CCNH: variants seen among roughly 807,000 people sequenced by gnomAD.
CCNH encodes cyclin-H.
A neutral mutation model predicts 41.9 loss-of-function variants in CCNH; 31 were observed. That is an observed-to-expected ratio of 0.74 (90% CI 0.56 to 1.00). The LOEUF (loss-of-function observed/expected upper bound fraction) is 1.00, where lower values mean the gene tolerates loss of function less well. CCNH is among the 50% of genes least tolerant of loss of function. The pLI is 0.00. For synonymous variants in CCNH, 138 were observed against 136.1 expected, an observed-to-expected ratio of 1.01 and a Z score of -0.10; for missense variants, 362 against 388.4, an observed-to-expected ratio of 0.93 and a Z score of 0.57.
chr5:87,354,926 C>T (rs77420558), intron 9 of CCNH, among the ~76,000 whole-genome samples: 1,816 of 152,214 alleles, frequency 0.012, 28 homozygotes, highest in African/African-American at 0.041. Flanking sequence ...TAAGCCAAAG[C>T]CTATCCAAAG....
chr5:87,392,466 T>C (rs1469126762), downstream of CCNH: 13 of 409,416 alleles, frequency 3.2e-5, no homozygotes, highest in Non-Finnish European at 5.8e-5. Flanking sequence ...TTGGCTCTTT[T>C]ATCAAATTAC....
At chr5:87,393,925 A>AAAT (rs1195339226), downstream of CCNH, 2 of 152,276 alleles carry the variant, frequency 1.3e-5, no homozygotes, top group African/African-American at 4.8e-5. Flanking sequence ...ACCCATTTGG[A>AAAT]AATGTTTTCG....
chr5:87,377,158 T>C (rs1753271872), exon 1 of CCNH: 1 of 1,337,668 alleles, frequency 7.5e-7, no homozygotes, highest in African/African-American at 1.5e-5. Context: ...AAATAAGTTA[T>C]TCTGTTTTCC....
chr5:87,399,351 ATAACAGT>A, intron 7 of CCNH, 36 bp downstream of exon 7: 4 of 1,369,766 alleles, frequency 2.9e-6, no homozygotes, highest in Non-Finnish European at 4.2e-6. Context: ...GCTGGACTGG[ATAACAGT>A]TATGTCTATT....
At chr5:87,312,004 A>G in the CCNH span, among the ~76,000 whole-genome samples, 1 of 152,244 alleles carries the variant, frequency 6.6e-6, no homozygotes, top group Non-Finnish European at 1.5e-5. Flanking sequence ...CTGGTGATAT[A>G]TAAGGAATGT....
chr5:87,353,088 T>A, intron 9 of CCNH: 1 of 1,259,334 alleles, frequency 7.9e-7, no homozygotes, highest in Non-Finnish European at 1.2e-6. Context: ...GCAAGAAAGT[T>A]TACACATATT....
chr5:87,407,002 A>C (rs1010446232), intron 4 of CCNH, among the ~76,000 whole-genome samples: 1 of 151,752 alleles, frequency 6.6e-6, no homozygotes, highest in Non-Finnish European at 1.5e-5. Flanking sequence ...CACAGTCTAG[A>C]CTCTGCCTTC....
intron 9 of CCNH, among the ~76,000 whole-genome samples, chr5:87,357,459 A>G (rs1245993689): frequency 6.6e-6 from 1 of 152,094 alleles, no homozygotes; most frequent in African/African-American, 2.4e-5. Flanking sequence ...ACATTTCCCC[A>G]TACTGAATTT....
chr5:87,412,806 G>A lies in CCNH; in HGVS notation c.-12C>T. 1 of 1,613,722 alleles carries A rather than the reference G, an allele frequency of 6.2e-7. No individual in the cohort carries two copies. The highest frequency in any genetic ancestry group is 8.5e-7 in the Non-Finnish European group (1 of 1,179,736). On this transcript the variant is annotated 5_prime_UTR_variant, in exon 1 of 9. Transcript: ENST00000256897. ...CTGTTGTGGTACATTATGGAATCGT[G>A]ACCAGGTCCAGAGGGTCTGCAGACG...
At chr5:87,365,674 T>C (rs1211479898) in intron 9 of CCNH, among the ~76,000 whole-genome samples, 2 of 152,066 alleles carry the variant, frequency 1.3e-5, no homozygotes, top group East Asian at 3.8e-4. Context: ...TGACTAACAC[T>C]GGAAAGTCAT....
At chr5:87,355,673 T>C (rs540415913) in intron 9 of CCNH, among the ~76,000 whole-genome samples, 33 of 152,378 alleles carry the variant, frequency 2.2e-4, no homozygotes, top group African/African-American at 7.2e-4. Context: ...AATTTCATAA[T>C]GTTATGTTTG....
At chr5:87,402,892 A>C (rs748088742) in intron 5 of CCNH, among the ~76,000 whole-genome samples, 3 of 152,042 alleles carry the variant, frequency 2.0e-5, no homozygotes, top group Non-Finnish European at 4.4e-5. Context: ...GGCTGACTAG[A>C]CTCATTATCT....
chr5:87,370,950 T>G (rs1417353966), intron 9 of CCNH, among the ~76,000 whole-genome samples: 1 of 152,172 alleles, frequency 6.6e-6, no homozygotes, highest in Non-Finnish European at 1.5e-5. Context: ...ATTTCACATG[T>G]AATGCACATA....
At chr5:87,371,932 T>G (rs1760973861), downstream of CCNH, among the ~76,000 whole-genome samples, 1 of 151,774 alleles carries the variant, frequency 6.6e-6, no homozygotes, top group African/African-American at 2.4e-5. Flanking sequence ...TGTTTTATTA[T>G]TGTTATTGTT....
intron 9 of CCNH, chr5:87,385,425 GAATGCAA>G (rs748479568): frequency 6.8e-7 from 1 of 1,461,946 alleles, no homozygotes; most frequent in Admixed American, 1.7e-5. Context: ...TGTAATTTAT[GAATGCAA>G]GTTTGACATG....
upstream of CCNH, among the ~76,000 whole-genome samples, chr5:87,380,815 A>G (rs1761659680): frequency 6.6e-6 from 1 of 152,148 alleles, no homozygotes; most frequent in South Asian, 2.1e-4. Context: ...ATTTATAGTC[A>G]AGTATTGGGG....
At chr5:87,409,412 A>C (rs901820407) in intron 2 of CCNH, 49 bp from the exon 3 acceptor site, 1 of 1,111,390 alleles carries the variant, frequency 9.0e-7, no homozygotes, top group African/African-American at 1.6e-5. Flanking sequence ...CAAATGTTAA[A>C]TGTTAAATTT....
chr5:87,407,209 A>C (rs1200001705), intron 4 of CCNH, among the ~76,000 whole-genome samples: 1 of 152,028 alleles, frequency 6.6e-6, no homozygotes, highest in Non-Finnish European at 1.5e-5. Flanking sequence ...TTACCCCTTA[A>C]TCTGTTATCT....
exon 1 of CCNH, chr5:87,377,076 TG>T: frequency 6.3e-7 from 1 of 1,586,684 alleles, no homozygotes. Context: ...TACAAGAAAC[TG>T]GGTTTAGATT....
Sources: gnomAD v4.1 joint callset for allele counts (sites outside exome capture counted in the v4.1 genomes callset) on GRCh38, gnomAD v4.1.1 for gene constraint, MANE v1.5 for transcripts, NCBI Gene and HGNC (gene_info 2026-07-23, HGNC 2026-07-21) for gene names.